SALL3: variants seen among roughly 807,000 people sequenced by gnomAD.
SALL3 encodes spalt like transcription factor 3.
In SALL3, 25 loss-of-function variants were observed where a neutral mutation model predicts 66.2. That is an observed-to-expected ratio of 0.38 (90% CI 0.28 to 0.53). The LOEUF is 0.53. Among genes scored for constraint, SALL3 ranks in the 20% least tolerant of loss-of-function variants. SALL3 has a pLI of 0.85. For missense variants in SALL3, 2,194 were observed against 1,916.5 expected (o/e 1.14, Z -2.70); for synonymous variants, 1,152 against 899.1 (o/e 1.28, Z -5.03).
chr18:78,993,056 G>T lies in SALL3; in HGVS notation c.1065G>T (p.Ala355=). The T allele has an allele frequency of 6.3e-7, 1 of 1,586,428 alleles. No homozygotes were observed. The highest frequency in any genetic ancestry group is 8.5e-7 in the Non-Finnish European group (1 of 1,172,672). Residue 355 remains alanine, a synonymous_variant, in exon 2 of 3, where the codon GCG becomes GCT. Coordinates refer to ENST00000537592, the MANE Select transcript of SALL3 (RefSeq NM_171999.4). ...CCCCGGGGTCCCTGCTGGGTGCGGCGCCCGGCCTGCCAAGTCCGCTTCTAC... is the reference window on the plus strand; with the variant it reads ...CCCCGGGGTCCCTGCTGGGTGCGGCTCCCGGCCTGCCAAGTCCGCTTCTAC... The part of the protein sequence containing the change: ...ALAPGSLLGA[A]PGLPSPLLPQ...
Position 78,992,423 on chromosome 18 carries a change from G to A in SALL3, c.432G>A (p.Ala144=), listed in dbSNP as rs1914473659. 1 of 1,338,186 alleles carries A rather than the reference G, an allele frequency of 7.5e-7. No individual in the cohort carries two copies. 82.9% of individuals were successfully genotyped at this position (1,338,186 alleles called of 1,614,324 possible). ...MDAEPAGDTR[A]PRPPPAAPAP... ...CGGAACCCGCGGGGGACACGCGCGC[G>A]CCCCGGCCCCCGCCTGCGGCCCCTG... The change falls in exon 2 of 3, where the codon GCG becomes GCA. Residue 144 remains alanine (A), a synonymous_variant. Transcript: ENST00000537592.
chr18:78,988,627 G>A (rs945615878), intron 1 of SALL3, among the ~76,000 whole-genome samples: 15 of 152,154 alleles, frequency 9.9e-5, no homozygotes, highest in East Asian at 1.9e-4. Flanking sequence ...AATTCCACAC[G>A]TGAGTGTTTT....
intron 1 of SALL3, among the ~76,000 whole-genome samples, chr18:78,981,034 G>C (rs1465391763): frequency 6.6e-6 from 1 of 152,168 alleles, no homozygotes; most frequent in African/African-American, 2.4e-5. Flanking sequence ...GCGTCTGCGC[G>C]GGCCTTTTCT....
At position 78,995,424 on chromosome 18, in the gene SALL3, A is replaced by G; in HGVS notation, c.3433A>G (p.Ile1145Val). 1.3e-6 allele frequency: 2 copies of G among 1,586,722 alleles called. No individual in the cohort carries two copies. The highest frequency in any genetic ancestry group is 4.5e-5 in the East Asian group (2 of 44,612). ...CGGCGAGAAGCCGTTCGGCTGCACCATCTGCGGCCGGGCCTTCACCACTAA... is the reference window on the plus strand; with the variant it reads ...CGGCGAGAAGCCGTTCGGCTGCACCGTCTGCGGCCGGGCCTTCACCACTAA... Reference protein sequence around the residue: ...HTGEKPFGCTICGRAFTTKGN... With the variant: ...HTGEKPFGCTVCGRAFTTKGN... The change falls in exon 2 of 3, where the codon ATC becomes GTC. Residue 1145 changes from isoleucine to valine, a missense_variant. Physicochemically the swap from Ile to Val is conservative, Grantham distance 29. Transcript: ENST00000537592.
rs768531128 is a variant in SALL3 at position 78,994,488 on chromosome 18, C to T, written c.2497C>T (p.Pro833Ser). ...LSYAGSCPPSPPSVISSIAAL... is the reference protein window; with the variant it reads ...LSYAGSCPPSSPSVISSIAAL... ...CTACGCGGGGTCCTGCCCGCCCTCC[C>T]CGCCCTCGGTCATCTCCAGCATTGC... Residue 833 changes from proline (P) to serine (S), a missense_variant, in exon 2 of 3, where the codon CCG becomes TCG. Pro to Ser is a moderately conservative substitution (Grantham distance 74). Transcript: ENST00000537592. The T allele has an allele frequency of 2.5e-6, 4 of 1,611,546 alleles. No homozygotes were observed. The highest frequency in any genetic ancestry group is 2.2e-5 in the South Asian group (2 of 91,052).
rs752407068 is a variant in SALL3 at position 78,994,828 on chromosome 18, G to C, written c.2837G>C (p.Gly946Ala). The C allele has an allele frequency of 2.5e-6, 4 of 1,596,270 alleles. No homozygotes were observed. In the South Asian group the frequency reaches 4.5e-5, roughly 18 times the overall value. Residue 946 changes from glycine to alanine, a missense_variant, in exon 2 of 3, where the codon GGC (glycine) becomes GCC (alanine). By Grantham distance (60) the Gly-to-Ala change is moderately conservative. Coordinates refer to ENST00000537592, the MANE Select transcript of SALL3 (RefSeq NM_171999.4). ...CCGGACAGCCCAGCCGCCGCCCCGGGCAGCGGAGGCGCCCCTGGCCGCGCG... is the reference window on the plus strand; with the variant it reads ...CCGGACAGCCCAGCCGCCGCCCCGGCCAGCGGAGGCGCCCCTGGCCGCGCG... The part of the protein sequence containing the change: ...ERPDSPAAAP[G>A]SGGAPGRAGI...
chr18:78,983,700 C>T (rs1455446229), intron 1 of SALL3, among the ~76,000 whole-genome samples: 1 of 152,062 alleles, frequency 6.6e-6, no homozygotes, highest in South Asian at 2.1e-4. Flanking sequence ...CATGGTTTGC[C>T]CTCAGTGCTC....
intron 1 of SALL3, among the ~76,000 whole-genome samples, chr18:78,980,930 A>G (rs1460389067): frequency 6.6e-6 from 1 of 152,134 alleles, no homozygotes; most frequent in South Asian, 2.1e-4. Context: ...GCTCTGCCTA[A>G]TGGCCGCCCG....
In SALL3 at chr18:78,993,559, C is replaced by A; in HGVS notation, c.1568C>A (p.Pro523His). ...LDSKPVLPTV[P>H]TSVGLQLPPT... ...AGCAAGCCCGTGCTGCCCACCGTGCCCACGTCCGTGGGGCTGCAACTGCCG... is the reference window on the plus strand; with the variant it reads ...AGCAAGCCCGTGCTGCCCACCGTGCACACGTCCGTGGGGCTGCAACTGCCG... The change falls in exon 2 of 3, where the codon CCC (proline) becomes CAC (histidine). Residue 523 changes from proline to histidine, a missense_variant. Coordinates refer to ENST00000537592, the MANE Select transcript of SALL3 (RefSeq NM_171999.4). 6.3e-7 allele frequency: 1 copy of A among 1,591,656 alleles called. No individual in the cohort carries two copies. Among genetic ancestry groups the A allele is most frequent in the South Asian group, 1.1e-5 (1 of 89,164 alleles).
chr18:78,993,673 G>A lies in SALL3; in HGVS notation c.1682G>A (p.Ser561Asn). 6.3e-7 allele frequency: 1 copy of A among 1,587,854 alleles called. No individual in the cohort carries two copies. The highest frequency in any genetic ancestry group is 1.3e-5 in the African/African-American group (1 of 74,648). ...RSPQRPSPAS[S>N]ECASLSPGLN... The stretch of plus-strand genomic sequence containing the variant: ...CCGCAGAGGCCCTCGCCCGCCTCCA[G>A]CGAGTGCGCCTCCTTGTCCCCAGGC... The change falls in exon 2 of 3, where the codon AGC becomes AAC. Residue 561 changes from serine to asparagine, a missense_variant. By Grantham distance (46) the Ser-to-Asn change is conservative. Transcript: ENST00000537592.
Position 78,998,734 on chromosome 18 carries a change from T to C in SALL3, c.*1412T>C, listed in dbSNP as rs1914782218. On this transcript the variant is annotated 3_prime_UTR_variant, in exon 3 of 3. Transcript: ENST00000537592. The stretch of plus-strand genomic sequence containing the variant: ...TCAGGCAGTACAATCAGTCATGACT[T>C]TGAAATTTTCCGAGTTCCTGATTTA... 6.6e-6 allele frequency: 1 copy of C among 152,254 alleles called. No individual in the cohort carries two copies. The highest frequency in any genetic ancestry group is 1.5e-5 in the Non-Finnish European group (1 of 68,052). The allele number at this position is 152,254 out of a possible 1,614,324, so 9.4% of individuals were successfully genotyped here. A position where few individuals can be genotyped will look rare whatever the true frequency, so the allele number is the denominator to read the frequency against.
rs1403498128 is a variant in SALL3 at position 78,993,173 on chromosome 18, G to A, written c.1182G>A (p.Met394Ile). Residue 394 changes from methionine (M) to isoleucine (I), a missense_variant, in exon 2 of 3, where the codon ATG (methionine) becomes ATA (isoleucine). Met to Ile is a conservative substitution (Grantham distance 10). Transcript: ENST00000537592. ...CTCTGGACCCGCTGTCCGCGCTCAT[G>A]AAGCACCGCAAGGGCAAGCCGCCCA... ...ANALDPLSAL[M>I]KHRKGKPPNV... 7 of 1,609,410 alleles carry A rather than the reference G, an allele frequency of 4.3e-6. No homozygotes were observed. The highest frequency in any genetic ancestry group is 5.1e-6 in the Non-Finnish European group (6 of 1,178,814).
intron 1 of SALL3, among the ~76,000 whole-genome samples, chr18:78,990,451 G>A (rs889413601): frequency 1.1e-4 from 17 of 152,186 alleles, no homozygotes; most frequent in Admixed American, 9.8e-4. Context: ...GCCTCATGGT[G>A]AGTCACAAAC....
In SALL3 at chr18:78,994,682, C is replaced by T. The variant is rs755579014; in HGVS notation, c.2691C>T (p.Ser897=). Residue 897 remains serine, a synonymous_variant, in exon 2 of 3, where the codon TCC becomes TCT. Transcript: ENST00000537592. ...ESRSAGSPAL[S]ESSSSQALSP... is the part of the protein sequence containing the mutation. ...GCAGCGCGGGCAGCCCCGCCCTGTCCGAGTCCTCGTCCTCGCAGGCCCTGT... is the reference window on the plus strand; with the variant it reads ...GCAGCGCGGGCAGCCCCGCCCTGTCTGAGTCCTCGTCCTCGCAGGCCCTGT... The T allele has an allele frequency of 1.2e-6, 2 of 1,608,232 alleles. No homozygotes were observed. The highest frequency in any genetic ancestry group is 2.2e-5 in the East Asian group (1 of 44,840).
At position 78,979,968 on chromosome 18, in the gene SALL3, G is replaced by A. The variant is rs1416396302; in HGVS notation, c.-307G>A. Among the ~76,000 whole-genome samples, 2 of 145,004 alleles carry A rather than the reference G, an allele frequency of 1.4e-5. No homozygotes were observed. Among genetic ancestry groups the A allele is most frequent in the East Asian group, 2.0e-4 (1 of 4,930 alleles). On this transcript the variant is annotated 5_prime_UTR_variant, in exon 1 of 3. Transcript: ENST00000537592. ...GCCGGAGCCCGCGATGTGAGGCGGC[G>A]CCGGGCAGCGCGCGCCCCGGTCCCG...
chr18:78,985,137 G>A (rs939966543), intron 1 of SALL3: 1 of 152,170 alleles, frequency 6.6e-6, no homozygotes, highest in Non-Finnish European at 1.5e-5. Context: ...CCCTGCCAGG[G>A]GTGGCCACTA....
intron 1 of SALL3, among the ~76,000 whole-genome samples, chr18:78,981,893 C>T (rs973151288): frequency 6.6e-6 from 1 of 152,144 alleles, no homozygotes; most frequent in Non-Finnish European, 1.5e-5. Flanking sequence ...GACAGTCTTT[C>T]CTTCAAAAGA....
chr18:78,994,359 G>A lies in SALL3; in HGVS notation c.2368G>A (p.Ala790Thr), dbSNP rs1182142923. The change falls in exon 2 of 3, where the codon GCG (alanine) becomes ACG (threonine). Residue 790 changes from alanine (A) to threonine (T), a missense_variant. Transcript: ENST00000537592. ...DSELAYDDKN[A>T]ETLSSYDDDM... The stretch of plus-strand genomic sequence containing the variant: ...CGAGCTGGCCTACGACGACAAGAAC[G>A]CGGAGACCCTGAGCAGCTACGATGA... The A allele has an allele frequency of 1.9e-6, 3 of 1,613,538 alleles. No homozygotes were observed. Among genetic ancestry groups the A allele is most frequent in the East Asian group, 2.2e-5 (1 of 44,860 alleles).
chr18:78,983,906 A>G (rs1041441624), intron 1 of SALL3, among the ~76,000 whole-genome samples: 2 of 152,214 alleles, frequency 1.3e-5, no homozygotes, highest in African/African-American at 2.4e-5. Flanking sequence ...AACTTAACCT[A>G]TTTAAAAGTG....
Sources: allele counts gnomAD v4.1 joint callset (sites outside exome capture counted in the v4.1 genomes callset), GRCh38; gene constraint gnomAD v4.1.1; transcripts MANE v1.5; gene names NCBI Gene and HGNC (gene_info 2026-07-23, HGNC 2026-07-21).